Variants in LMOD1 observed in about 807,000 individuals in gnomAD.
LMOD1 encodes leiomodin 1.
Under a neutral mutation model 36.5 loss-of-function variants are expected in LMOD1, and 8 were observed. The observed-to-expected ratio is 0.22, with a 90% CI of 0.13 to 0.40. The LOEUF (loss-of-function observed/expected upper bound fraction) is 0.40. Among genes scored for constraint, LMOD1 ranks in the 10% least tolerant of loss-of-function variants. The pLI, the probability that LMOD1 is intolerant of heterozygous loss-of-function variation, is 1.00. For missense variants in LMOD1, 630 were observed against 751.1 expected (o/e 0.84, Z 1.88); for synonymous variants, 284 against 288.7 (o/e 0.98, Z 0.17).
intron 1 of LMOD1, among the ~76,000 whole-genome samples, chr1:201,923,558 A>G (rs1279648392): frequency 6.6e-6 from 1 of 151,262 alleles, no homozygotes; most frequent in African/African-American, 2.4e-5. Flanking sequence ...CTGTCTATTG[A>G]AAAAAAAATT....
Position 201,899,844 on chromosome 1 carries a change from G to T in LMOD1, c.1169C>A (p.Thr390Asn). ...GTGGTTGGAGTCCAGGTTGAGGCTG[G>T]TGATGGTCTTGTTGGCCTTGAGCAT... ...AIMLKANKTITSLNLDSNHIT... is the reference protein window; with the variant it reads ...AIMLKANKTINSLNLDSNHIT... The change falls in exon 2 of 3, where the codon ACC becomes AAC. Residue 390 changes from threonine (T) to asparagine (N), a missense_variant. Thr to Asn is a moderately conservative substitution (Grantham distance 65). Transcript: ENST00000367288. This position sits in a 1 kb window ranked among gnomAD's most constrained non-coding sequence, Gnocchi z 6.3. 2 of 1,614,038 alleles carry T rather than the reference G, an allele frequency of 1.2e-6. No individual in the cohort carries two copies. The highest frequency in any genetic ancestry group is 2.2e-5 in the South Asian group (2 of 91,082).
chr1:201,946,024 A>G, intron 1 of LMOD1, 56 bp downstream of exon 1: 1 of 1,554,566 alleles, frequency 6.4e-7, no homozygotes, highest in Admixed American at 1.8e-5. Context: ...TCATGAAGCC[A>G]GGGTCTCCAG....
rs944182268 is a variant in LMOD1, at chr1:201,900,605, T to G, written c.408A>C (p.Arg136Ser). 2 of 1,613,924 alleles carry G rather than the reference T, an allele frequency of 1.2e-6. No individual in the cohort carries two copies. The highest frequency in any genetic ancestry group is 1.7e-6 in the Non-Finnish European group (2 of 1,179,890). ...KRGGLKKSFS[R>S]DRDEAGGKSG... is the part of the protein sequence containing the mutation. The stretch of plus-strand genomic sequence containing the variant: ...TCTTGCCACCAGCTTCATCTCTGTC[T>G]CTAGAGAAGCTTTTCTTTAAACCAC... The change falls in exon 2 of 3, where the codon AGA becomes AGC. Residue 136 changes from arginine to serine, a missense_variant. Around this residue, in one of 3 missense-constraint regions of LMOD1, gnomAD observed 405 missense variants for 400.6 expected, o/e 1.01. Coordinates refer to ENST00000367288, the MANE Select transcript of LMOD1 (RefSeq NM_012134.3).
chr1:201,946,263 G>C lies in LMOD1; in HGVS notation c.78C>G (p.Pro26=). The change falls in exon 1 of 3, where the codon CCC becomes CCG. Residue 26 remains proline (P), a synonymous_variant. Transcript: ENST00000367288. ...DIDSLLETLS[P]EEMEELEKEL... is the part of the protein sequence containing the mutation. ...CCTTCTCCAGCTCCTCCATCTCCTCGGGAGACAGGGTCTCCAGCAGGCTGT... is the reference window on the plus strand; with the variant it reads ...CCTTCTCCAGCTCCTCCATCTCCTCCGGAGACAGGGTCTCCAGCAGGCTGT... The C allele has an allele frequency of 1.9e-6, 3 of 1,613,832 alleles. No individual in the cohort carries two copies. The highest frequency in any genetic ancestry group is 2.5e-6 in the Non-Finnish European group (3 of 1,179,840).
rs115375385 is a variant in LMOD1, at chr1:201,933,049, C to T, written c.261+13031G>A. Among the ~76,000 whole-genome samples the T allele has an allele frequency of 7.4e-3, 1,132 of 152,188 alleles. 12 individuals are homozygous for T. Among genetic ancestry groups the T allele is most frequent in the African/African-American group, 0.025 (1,054 of 41,500 alleles). ...CCCAGACTGGAAACAACCCAAATGT[C>T]CATTAACAGTGAAATGAATAAATAA... On this transcript the variant is annotated intron_variant, in intron 1 of 2. Transcript: ENST00000367288.
At chr1:201,911,749 A>G (rs1018935900) in intron 1 of LMOD1, among the ~76,000 whole-genome samples, 30 of 152,166 alleles carry the variant, frequency 2.0e-4, no homozygotes, top group Non-Finnish European at 1.6e-4. Flanking sequence ...CCTCCACTGT[A>G]TGCCACCTTA....
chr1:201,903,146 C>T (rs1039284754), intron 1 of LMOD1, among the ~76,000 whole-genome samples: 2 of 152,156 alleles, frequency 1.3e-5, no homozygotes, highest in African/African-American at 2.4e-5. Context: ...CGCTCTTCGC[C>T]GAGGGAATGG....
At chr1:201,916,343 A>C (rs1463831516) in intron 1 of LMOD1, among the ~76,000 whole-genome samples, 2 of 151,946 alleles carry the variant, frequency 1.3e-5, no homozygotes, top group African/African-American at 2.4e-5. Flanking sequence ...GTGAAACTCC[A>C]TCTCTACAAA....
In LMOD1 at chr1:201,946,327, G is replaced by T. The variant is rs775993103; in HGVS notation, c.14C>A (p.Ala5Asp). The change falls in exon 1 of 3, where the codon GCC becomes GAC. Residue 5 changes from alanine to aspartate, a missense_variant. By Grantham distance (126) the Ala-to-Asp change is moderately radical. Coordinates refer to ENST00000367288, the MANE Select transcript of LMOD1 (RefSeq NM_012134.3). ...TTCACTCACCTGCCGGCGATATTTG[G>T]CTACTCTAGACATCTTGGCAAAATG... MSRV[A>D]KYRRQVSEDP... 4 of 1,613,956 alleles carry T rather than the reference G, an allele frequency of 2.5e-6. No homozygotes were observed. The highest frequency in any genetic ancestry group is 3.3e-5 in the Admixed American group (2 of 60,018).
intron 1 of LMOD1, among the ~76,000 whole-genome samples, chr1:201,912,723 G>A (rs1251533154): frequency 1.3e-5 from 2 of 152,118 alleles, no homozygotes; most frequent in African/African-American, 4.8e-5. Context: ...GCCGGGCGTG[G>A]TGGCGGGCGC....
chr1:201,909,875 G>A (rs1681465353), intron 1 of LMOD1, among the ~76,000 whole-genome samples: 1 of 152,176 alleles, frequency 6.6e-6, no homozygotes, highest in South Asian at 2.1e-4. Flanking sequence ...CAGGTTCTTA[G>A]GCTCTAGAGT....
At chr1:201,924,683 AAGAAAGAAAG>A (rs1382888943) in intron 1 of LMOD1, among the ~76,000 whole-genome samples, 1 of 47,350 alleles carries the variant, frequency 2.1e-5, no homozygotes, top group Non-Finnish European at 6.8e-5. Context: ...GAAAGAAAGA[AAGAAAGAAAG>A]AAAGAAAGAA....
intron 1 of LMOD1, among the ~76,000 whole-genome samples, chr1:201,922,680 C>T (rs1229698871): frequency 6.6e-6 from 1 of 151,060 alleles, no homozygotes; most frequent in Non-Finnish European, 1.5e-5. Context: ...TGTGAATATA[C>T]TGAATATATA....
At chr1:201,905,567 A>G (rs1368893398) in intron 1 of LMOD1, among the ~76,000 whole-genome samples, 1 of 152,228 alleles carries the variant, frequency 6.6e-6, no homozygotes, top group African/African-American at 2.4e-5. Context: ...GCTGAGAGCA[A>G]GGGCCAGAGC....
chr1:201,918,792 C>T (rs2102918813), intron 1 of LMOD1, among the ~76,000 whole-genome samples: 1 of 152,338 alleles, frequency 6.6e-6, no homozygotes, highest in East Asian at 1.9e-4. Flanking sequence ...TACATATGGC[C>T]AATCTTGTTT....
In LMOD1 at chr1:201,897,066, T is replaced by C. The variant is rs1044580262; in HGVS notation, c.*1306A>G. 1.1e-5 allele frequency: 3 copies of C among 280,432 alleles called. No homozygotes were observed. Among genetic ancestry groups the C allele is most frequent in the Admixed American group, 9.4e-5 (2 of 21,202 alleles). The allele number at this position is 280,432 out of a possible 1,614,324, so 17.4% of individuals were successfully genotyped here. A position where few individuals can be genotyped will look rare whatever the true frequency, so the allele number is the denominator to read the frequency against. On this transcript the variant is annotated 3_prime_UTR_variant, in exon 3 of 3. Transcript: ENST00000367288. ...AAAGATGCCTTTCACCTACACCCGA[T>C]GGTGGGCATGGCAGCATTGTCAGCA...
chr1:201,940,181 C>T (rs1011766689), intron 1 of LMOD1, among the ~76,000 whole-genome samples: 12 of 147,272 alleles, frequency 8.1e-5, no homozygotes, highest in African/African-American at 2.5e-4. Context: ...TCCAGCCAAG[C>T]TCTTTTTTTT....
intron 1 of LMOD1, among the ~76,000 whole-genome samples, chr1:201,943,800 G>A (rs1308176159): frequency 6.6e-6 from 1 of 152,176 alleles, no homozygotes; most frequent in Non-Finnish European, 1.5e-5. Flanking sequence ...ACAACCCTGT[G>A]AGATGGGTAC....
intron 1 of LMOD1, among the ~76,000 whole-genome samples, chr1:201,942,171 A>G (rs1462144501): frequency 6.6e-6 from 1 of 152,162 alleles, no homozygotes; most frequent in African/African-American, 2.4e-5. Context: ...ACCCTCCCCA[A>G]TCCCCTGCTA....
Sources: gnomAD v4.1 joint callset for allele counts (sites outside exome capture counted in the v4.1 genomes callset) on GRCh38, gnomAD v4.1.1 for gene constraint, gnomAD v4.1.1 regional missense constraint, Gnocchi (gnomAD v3.1) non-coding constraint, MANE v1.5 for transcripts, NCBI Gene and HGNC (gene_info 2026-07-23, HGNC 2026-07-21) for gene names.